TRDN: variants seen among roughly 807,000 people sequenced by gnomAD.
The protein encoded by TRDN is triadin, also known as triadin in skeletal muscle.
TRDN carries 161 observed loss-of-function variants against 149.7 expected under a neutral mutation model. The observed-to-expected ratio is 1.08, with a 90% CI of 0.95 to 1.23. The LOEUF (loss-of-function observed/expected upper bound fraction) is 1.23, where lower values mean the gene tolerates loss of function less well. TRDN is among the 50% of genes most tolerant of loss of function. The pLI is 0.00. For synonymous variants in TRDN, 294 were observed against 250.5 expected (o/e 1.17, Z -1.64); for missense variants, 896 against 823.5 (o/e 1.09, Z -1.08).
intron 2 of TRDN, among the ~76,000 whole-genome samples, chr6:123,569,050 C>T (rs1280273663): frequency 1.3e-5 from 2 of 151,966 alleles, no homozygotes; most frequent in African/African-American, 4.8e-5. Context: ...TTTTTTGTTC[C>T]CACATCTTTG....
In TRDN at chr6:123,557,645, C is replaced by T. The variant is rs146169390; in HGVS notation, c.233-9033G>A. ...TGTTTAATCACGCGGGGACAACTGCCTGATTATTCACCCACGTTTCAGAGG... is the reference window on the plus strand; with the variant it reads ...TGTTTAATCACGCGGGGACAACTGCTTGATTATTCACCCACGTTTCAGAGG... On this transcript the variant is annotated intron_variant, in intron 2 of 40. Coordinates refer to ENST00000334268, the MANE Select transcript of TRDN (RefSeq NM_006073.4). Among the ~76,000 whole-genome samples, 611 of 152,240 alleles carry T rather than the reference C, an allele frequency of 4.0e-3. 4 individuals carry two copies. The highest frequency in any genetic ancestry group is 0.014 in the Middle Eastern group (4 of 294).
chr6:123,426,577 T>C (rs770574126), intron 12 of TRDN, among the ~76,000 whole-genome samples: 16 of 152,166 alleles, frequency 1.1e-4, no homozygotes, highest in South Asian at 2.1e-4. Flanking sequence ...GTTCAAGCCA[T>C]GGTGTATTTT....
chr6:123,307,776 T>G (rs1474250230), intron 24 of TRDN, among the ~76,000 whole-genome samples: 1 of 152,038 alleles, frequency 6.6e-6, no homozygotes, highest in African/African-American at 2.4e-5. Flanking sequence ...GTAACACTTT[T>G]TTTCTCTTCA....
chr6:123,366,813 C>T (rs935400030), intron 19 of TRDN, among the ~76,000 whole-genome samples: 3 of 152,070 alleles, frequency 2.0e-5, no homozygotes, highest in South Asian at 2.1e-4. Flanking sequence ...CCACCACGCC[C>T]GGCCATAGTC....
chr6:123,549,484 A>AT (rs1278538750), intron 2 of TRDN, among the ~76,000 whole-genome samples: 13 of 151,982 alleles, frequency 8.6e-5, no homozygotes, highest in Non-Finnish European at 1.6e-4. Context: ...GTTTTCCTTA[A>AT]TTTTAAAAAC....
chr6:123,232,530 G>T (rs1225645044), intron 38 of TRDN, among the ~76,000 whole-genome samples: 1 of 151,990 alleles, frequency 6.6e-6, no homozygotes, highest in African/African-American at 2.4e-5. Context: ...AGCAGAAAGG[G>T]CAAGGAAAAT....
intron 13 of TRDN, among the ~76,000 whole-genome samples, chr6:123,392,960 T>A (rs1215114722): frequency 6.6e-6 from 1 of 152,074 alleles, no homozygotes; most frequent in Non-Finnish European, 1.5e-5. Flanking sequence ...GATAAAGATC[T>A]TCTCCAGTAA....
At chr6:123,387,537 C>T (rs974280997) in intron 14 of TRDN, among the ~76,000 whole-genome samples, 1 of 152,040 alleles carries the variant, frequency 6.6e-6, no homozygotes, top group African/African-American at 2.4e-5. Context: ...TGTTTATCCT[C>T]TAGAAGTCTC....
At chr6:123,466,826 A>G (rs948207928) in intron 9 of TRDN, among the ~76,000 whole-genome samples, 2 of 152,062 alleles carry the variant, frequency 1.3e-5, no homozygotes, top group Non-Finnish European at 2.9e-5. Flanking sequence ...AGATAGATCG[A>G]TATCTTCATA....
chr6:123,530,918 T>C (rs1296827844), intron 4 of TRDN, among the ~76,000 whole-genome samples: 3 of 151,956 alleles, frequency 2.0e-5, no homozygotes, highest in Non-Finnish European at 4.4e-5. Flanking sequence ...AATAAGAATG[T>C]CATTTAGATT....
intron 35 of TRDN, among the ~76,000 whole-genome samples, chr6:123,256,946 TTTTAGGTCTCACA>T (rs1776585115): frequency 6.6e-6 from 1 of 151,192 alleles, no homozygotes; most frequent in Non-Finnish European, 1.5e-5. Context: ...GTTTTTATGG[TTTTAGGTCTCACA>T]TTTAAATCTT....
chr6:123,516,046 A>G (rs1213794739), intron 6 of TRDN, 95 bp downstream of exon 6: 3 of 1,209,958 alleles, frequency 2.5e-6, no homozygotes, highest in Admixed American at 4.2e-5. Context: ...TCTAATTTGT[A>G]AAACTGCGTG....
chr6:123,617,039 C>T (rs1328932393), intron 1 of TRDN, among the ~76,000 whole-genome samples: 1 of 152,166 alleles, frequency 6.6e-6, no homozygotes, highest in African/African-American at 2.4e-5. Flanking sequence ...CCTTCACCTA[C>T]CTCAAACAGA....
intron 21 of TRDN, chr6:123,351,154 A>G (rs1359958355): frequency 1.0e-6 from 1 of 984,408 alleles, no homozygotes; most frequent in Admixed American, 6.2e-5. Flanking sequence ...TATAAAACTC[A>G]ATGAAATCAA....
chr6:123,269,755 G>A, intron 31 of TRDN, 94 bp downstream of exon 31: 2 of 1,280,238 alleles, frequency 1.6e-6, no homozygotes, highest in Non-Finnish European at 2.2e-6. Flanking sequence ...AGACAACACT[G>A]AAAATAACAT....
At chr6:123,522,594 G>A (rs1779744646) in intron 5 of TRDN, among the ~76,000 whole-genome samples, 1 of 135,874 alleles carries the variant, frequency 7.4e-6, no homozygotes, top group Non-Finnish European at 1.5e-5. Flanking sequence ...AGTTGTTTCA[G>A]TGTGGGTGTT....
intron 23 of TRDN, among the ~76,000 whole-genome samples, chr6:123,323,925 A>G (rs960894755): frequency 6.6e-6 from 1 of 152,082 alleles, no homozygotes; most frequent in Non-Finnish European, 1.5e-5. Flanking sequence ...AATAGGTGAG[A>G]TATAATTGGA....
rs1047800321 is a variant in TRDN at position 123,217,677 on chromosome 6, T to C, written c.*924A>G. On this transcript the variant is annotated 3_prime_UTR_variant, in exon 41 of 41. Transcript: ENST00000334268. ...TCCTTAAACTTTGATGGCATTCATA[T>C]TTTGCCATTATGAGAAAGAAAAACA... 6.6e-6 allele frequency: 1 copy of C among 151,998 alleles called. No individual in the cohort carries two copies. The highest frequency in any genetic ancestry group is 2.4e-5 in the African/African-American group (1 of 41,428). The allele number at this position is 151,998 out of a possible 1,614,324, so 9.4% of individuals were successfully genotyped here.
At chr6:123,424,204 T>C (rs1040511166) in intron 12 of TRDN, among the ~76,000 whole-genome samples, 1 of 152,166 alleles carries the variant, frequency 6.6e-6, no homozygotes, top group African/African-American at 2.4e-5. Flanking sequence ...ATGCCTCATG[T>C]TACCAAGGCA....
Sources: allele counts gnomAD v4.1 joint callset (sites outside exome capture counted in the v4.1 genomes callset), GRCh38; gene constraint gnomAD v4.1.1; transcripts MANE v1.5; gene names NCBI Gene and HGNC (gene_info 2026-07-23, HGNC 2026-07-21).